The following PRH1 variants were observed in gnomAD, a reference collection of about 807,000 sequenced individuals.
The protein encoded by PRH1 is proline rich protein HaeIII subfamily 1, also known as salivary acidic proline-rich phosphoprotein 1/2.
In PRH1, 7 loss-of-function variants were observed where a neutral mutation model predicts 7.9. The ratio of observed to expected loss-of-function variants is 0.89; its 90% confidence interval spans 0.50 to 1.67. The LOEUF (loss-of-function observed/expected upper bound fraction) is 1.67, where lower values mean the gene tolerates loss of function less well. Ranked by LOEUF, PRH1 falls within the 40% of genes most tolerant of loss-of-function variation. The probability of loss-of-function intolerance (pLI) is 0.00; values close to 1 mark genes in which losing one functional copy is unlikely to be tolerated. For synonymous variants in PRH1, 45 were observed against 80.8 expected, an observed-to-expected ratio of 0.56 and a Z score of 2.38; for missense variants, 109 against 223.6, an observed-to-expected ratio of 0.49 and a Z score of 3.27.
chr12:10,927,669 C>T (rs948699611), intron 2 of PRH1, among the ~76,000 whole-genome samples: 6 of 152,196 alleles, frequency 3.9e-5, no homozygotes, highest in South Asian at 4.1e-4. Context: ...ACCAGACCCT[C>T]GTATGCACAG....
intron 1 of PRH1, among the ~76,000 whole-genome samples, chr12:11,153,552 C>T (rs1053649488): frequency 2.0e-5 from 3 of 152,098 alleles, no homozygotes; most frequent in Non-Finnish European, 4.4e-5. Context: ...CCAGGAGATG[C>T]ACTCTTCCTC....
rs1416071898 is a variant in PRH1 at position 11,133,973 on chromosome 12, GTTACTGCCCAGACA to G, written n.40-12807_40-12794del. The G allele has an allele frequency of 3.7e-6, 6 of 1,613,930 alleles. No individual in the cohort carries two copies. In the African/African-American group the frequency reaches 8.0e-5, roughly 22 times the overall value. On this transcript the variant is annotated intron_variant and non_coding_transcript_variant, in intron 1 of 1. Transcript: ENST00000541175. ...AGCAAGCCAGCTGCTGAAATGGTTG[GTTACTGCCCAGACA>G]TTATAAGCAGTAATTCTTACTTCTA...
chr12:10,945,884 A>G (rs925918776), intron 2 of PRH1, among the ~76,000 whole-genome samples: 7 of 152,204 alleles, frequency 4.6e-5, no homozygotes, highest in African/African-American at 1.7e-4. Context: ...AAAAGAATTC[A>G]GTGATATTTC....
intron 1 of PRH1, among the ~76,000 whole-genome samples, chr12:10,988,406 T>C (rs1939758697): frequency 6.6e-6 from 1 of 152,086 alleles, no homozygotes; most frequent in Non-Finnish European, 1.5e-5. Flanking sequence ...AAAAAAATGT[T>C]TGAAAGGATT....
chr12:10,986,352 T>G, intron 1 of PRH1: 2 of 1,614,050 alleles, frequency 1.2e-6, no homozygotes, highest in Non-Finnish European at 1.7e-6. Context: ...ATGTACTGTA[T>G]TCCTCAATTT....
intron 1 of PRH1, among the ~76,000 whole-genome samples, chr12:10,980,899 T>C (rs74062412): frequency 0.036 from 5,472 of 152,282 alleles, 319 homozygotes; most frequent in African/African-American, 0.12. Flanking sequence ...CCTGGTGATC[T>C]TCCAAATGTC....
intron 1 of PRH1, chr12:11,133,894 A>G: frequency 6.2e-7 from 1 of 1,614,154 alleles, no homozygotes; most frequent in East Asian, 2.2e-5. Flanking sequence ...TGCGAAGAAA[A>G]ATAAGGTTGG....
chr12:10,922,075 T>C (rs900821030), intron 2 of PRH1, among the ~76,000 whole-genome samples: 3 of 152,214 alleles, frequency 2.0e-5, no homozygotes, highest in African/African-American at 7.2e-5. Context: ...CTGTCATGCC[T>C]CTGATTCTTT....
chr12:10,899,162 C>T (rs1216332292), intron 2 of PRH1, among the ~76,000 whole-genome samples: 1 of 152,168 alleles, frequency 6.6e-6, no homozygotes, highest in Non-Finnish European at 1.5e-5. Flanking sequence ...ATTTCACAGG[C>T]TCATAGCTGG....
At chr12:11,146,532 G>C (rs1253759217) in intron 1 of PRH1, among the ~76,000 whole-genome samples, 1 of 152,000 alleles carries the variant, frequency 6.6e-6, no homozygotes, top group African/African-American at 2.4e-5. Context: ...TGTATAATTA[G>C]ACTAGAGTCA....
chr12:11,041,195 ATCT>A (rs1942692096), intron 1 of PRH1, among the ~76,000 whole-genome samples: 1 of 151,100 alleles, frequency 6.6e-6, no homozygotes, highest in Non-Finnish European at 1.5e-5. Context: ...AAAAACTCCA[ATCT>A]GTTGCCTCTA....
rs1427232183 is a variant in PRH1, at chr12:10,997,471, C to A, written c.-125-23750G>T. ...GGTGACAAACCAAAAAGAACAAAGACCCCAACACTATCACCAGAACTACAC... is the reference window on the plus strand; with the variant it reads ...GGTGACAAACCAAAAAGAACAAAGAACCCAACACTATCACCAGAACTACAC... On this transcript the variant is annotated intron_variant, in intron 1 of 3. Coordinates refer to the PRH1 transcript ENST00000539853. 4.3e-6 allele frequency: 7 copies of A among 1,613,674 alleles called. No homozygotes were observed. In the East Asian group the frequency reaches 1.3e-4, roughly 31 times the overall value.
chr12:11,125,685 T>C (rs1193286128), intron 1 of PRH1, among the ~76,000 whole-genome samples: 2 of 151,078 alleles, frequency 1.3e-5, no homozygotes, highest in African/African-American at 4.9e-5. Context: ...TAGAAAATTG[T>C]CCTGTATATT....
At chr12:10,890,169 C>T (rs1591650443) in intron 2 of PRH1, among the ~76,000 whole-genome samples, 1 of 152,134 alleles carries the variant, frequency 6.6e-6, no homozygotes, top group African/African-American at 2.4e-5. Context: ...GGTGAAGGCA[C>T]TCATGGTAAA....
intron 2 of PRH1, among the ~76,000 whole-genome samples, chr12:10,902,503 T>A (rs1460809535): frequency 6.6e-6 from 1 of 151,942 alleles, no homozygotes; most frequent in African/African-American, 2.4e-5. Flanking sequence ...GACATACAGA[T>A]ACAAGAAATC....
chr12:11,027,536 T>C (rs868485520), intron 1 of PRH1, among the ~76,000 whole-genome samples: 1 of 152,216 alleles, frequency 6.6e-6, no homozygotes, highest in Non-Finnish European at 1.5e-5. Flanking sequence ...AGACACAATG[T>C]TTTGGGGGCC....
intron 1 of PRH1, among the ~76,000 whole-genome samples, chr12:11,028,177 A>T (rs2136091214): frequency 6.6e-6 from 1 of 152,312 alleles, no homozygotes; most frequent in South Asian, 2.1e-4. Flanking sequence ...ACCACCACCA[A>T]GGGACTGGAT....
At chr12:10,995,594 G>A (rs1940183089) in intron 1 of PRH1, among the ~76,000 whole-genome samples, 1 of 152,032 alleles carries the variant, frequency 6.6e-6, no homozygotes, top group Non-Finnish European at 1.5e-5. Flanking sequence ...AGATGCCATA[G>A]TTTCTATACC....
intron 1 of PRH1, among the ~76,000 whole-genome samples, chr12:11,100,315 G>C (rs1385628085): frequency 6.6e-6 from 1 of 152,116 alleles, no homozygotes; most frequent in Non-Finnish European, 1.5e-5. Context: ...TCTTCCTTTT[G>C]TAATACTTTG....
Sources: gnomAD v4.1 joint callset for allele counts (sites outside exome capture counted in the v4.1 genomes callset) on GRCh38, gnomAD v4.1.1 for gene constraint, MANE v1.5 for transcripts, NCBI Gene and HGNC (gene_info 2026-07-23, HGNC 2026-07-21) for gene names.